The following STK32B variants were observed in gnomAD, a reference collection of about 807,000 sequenced individuals.
STK32B encodes the protein serine/threonine-protein kinase 32B.
Under a neutral mutation model 52.6 loss-of-function variants are expected in STK32B, and 43 were observed. That is an observed-to-expected ratio of 0.82 (90% CI 0.64 to 1.05). STK32B has a LOEUF of 1.05. Among genes scored for constraint, STK32B ranks in the 50% least tolerant of loss-of-function variants. The pLI is 0.00. For synonymous variants in STK32B, 238 were observed against 204.3 expected (o/e 1.17, Z -1.41); for missense variants, 621 against 534.6 (o/e 1.16, Z -1.59).
intron 7 of STK32B, among the ~76,000 whole-genome samples, chr4:5,455,963 C>A (rs1438176642): frequency 1.3e-5 from 2 of 152,014 alleles, no homozygotes; most frequent in African/African-American, 4.8e-5. Flanking sequence ...TTTGTCATCC[C>A]AAGACATGTG....
At chr4:5,493,190 C>T (rs1489380181) in intron 11 of STK32B, among the ~76,000 whole-genome samples, 1 of 152,072 alleles carries the variant, frequency 6.6e-6, no homozygotes, top group Non-Finnish European at 1.5e-5. Flanking sequence ...TAGAATTCGG[C>T]TGTGAATCCA....
chr4:5,038,481 C>G, the STK32B span, among the ~76,000 whole-genome samples: 2 of 152,224 alleles, frequency 1.3e-5, no homozygotes, highest in Non-Finnish European at 2.9e-5. Context: ...GGTGGTGAAG[C>G]CTACTATATG....
chr4:5,155,973 A>G (rs1252987741), intron 2 of STK32B, among the ~76,000 whole-genome samples: 2 of 152,134 alleles, frequency 1.3e-5, no homozygotes, highest in African/African-American at 2.4e-5. Flanking sequence ...ATGCATATAC[A>G]TATATACCTC....
chr4:5,359,980 T>C (rs1734440883), intron 4 of STK32B, among the ~76,000 whole-genome samples: 1 of 152,210 alleles, frequency 6.6e-6, no homozygotes, highest in Non-Finnish European at 1.5e-5. Context: ...AGGAGCACAC[T>C]GGCTGCTTTT....
chr4:5,019,387 G>A, the STK32B span: 1 of 1,497,044 alleles, frequency 6.7e-7, no homozygotes, highest in Non-Finnish European at 8.8e-7. Context: ...AGTGGGCCGC[G>A]CGGCGGGGGC....
chr4:5,499,180 A>T lies in STK32B; in HGVS notation c.*97A>T, dbSNP rs75777002. ...CCTGATGGTCCCTGTCTCACCCCTG[A>T]AAACATCAGATGCAGAAAAAGCCCT... On this transcript the variant is annotated 3_prime_UTR_variant, in exon 12 of 12. Coordinates refer to ENST00000282908, the MANE Select transcript of STK32B (RefSeq NM_018401.3). The T allele has an allele frequency of 0.05, 71,375 of 1,421,038 alleles. 5,833 individuals carry two copies. The highest frequency in any genetic ancestry group is 0.46 in the East Asian group (17,474 of 37,872). The allele number at this position is 1,421,038 out of a possible 1,614,324, so 88.0% of individuals were successfully genotyped here. A position where few individuals can be genotyped will look rare whatever the true frequency, so the allele number is the denominator to read the frequency against.
intron 1 of STK32B, among the ~76,000 whole-genome samples, chr4:5,102,129 C>G (rs1344957615): frequency 6.6e-6 from 1 of 152,200 alleles, no homozygotes; most frequent in African/African-American, 2.4e-5. Flanking sequence ...CCTGGTAGAA[C>G]CCCCTCATAG....
intron 4 of STK32B, among the ~76,000 whole-genome samples, chr4:5,361,432 C>T (rs919201187): frequency 2.0e-5 from 3 of 152,104 alleles, no homozygotes; most frequent in Non-Finnish European, 2.9e-5. Context: ...AGTGCAGTGG[C>T]ATGATCGTGG....
intron 6 of STK32B, among the ~76,000 whole-genome samples, chr4:5,426,181 C>A (rs909621851): frequency 1.3e-5 from 2 of 152,080 alleles, no homozygotes; most frequent in African/African-American, 4.8e-5. Flanking sequence ...ATGGCTGGAC[C>A]TCTTTCCATT....
chr4:5,491,725 G>A (rs1352897490), intron 11 of STK32B, among the ~76,000 whole-genome samples: 2 of 151,972 alleles, frequency 1.3e-5, no homozygotes, highest in East Asian at 3.8e-4. Context: ...TAACATTTAA[G>A]TCTTTAATCC....
intron 2 of STK32B, among the ~76,000 whole-genome samples, chr4:5,161,563 A>G (rs1718447993): frequency 6.6e-6 from 1 of 152,134 alleles, no homozygotes; most frequent in South Asian, 2.1e-4. Flanking sequence ...TCTTTTGTAC[A>G]GAACGCAAGA....
intron 1 of STK32B, among the ~76,000 whole-genome samples, chr4:5,116,495 G>A (rs190939827): frequency 7.9e-4 from 120 of 152,092 alleles, no homozygotes; most frequent in African/African-American, 2.9e-3. Context: ...ACTTATTTTG[G>A]GGGGAGTTAG....
intron 3 of STK32B, among the ~76,000 whole-genome samples, chr4:5,277,549 C>T (rs1727906872): frequency 6.6e-6 from 1 of 152,102 alleles, no homozygotes; most frequent in Non-Finnish European, 1.5e-5. Flanking sequence ...CTCATTGTCT[C>T]CATTTGTAAC....
At chr4:5,171,686 T>C (rs1321649356) in intron 3 of STK32B, among the ~76,000 whole-genome samples, 6 of 144,428 alleles carry the variant, frequency 4.2e-5, no homozygotes, top group African/African-American at 1.5e-4. Flanking sequence ...TTGGTACCAG[T>C]TGCATTCTGT....
intron 6 of STK32B, among the ~76,000 whole-genome samples, chr4:5,429,801 G>T (rs930064806): frequency 2.0e-5 from 3 of 152,062 alleles, no homozygotes; most frequent in Admixed American, 1.3e-4. Flanking sequence ...ATAAGGAAAA[G>T]AATCTTTATT....
At chr4:5,389,566 C>A (rs1192279377) in intron 4 of STK32B, among the ~76,000 whole-genome samples, 1 of 152,186 alleles carries the variant, frequency 6.6e-6, no homozygotes, top group Admixed American at 6.5e-5. Flanking sequence ...TGAGTCTACT[C>A]TAATGTCCCT....
At position 5,382,791 on chromosome 4, in the gene STK32B, A is replaced by T. The variant is rs750088273; in HGVS notation, c.435-15416A>T. On this transcript the variant is annotated intron_variant, in intron 4 of 11. Transcript: ENST00000282908. ...CTGGACTCATTCTTTTTTATGCAAC[A>T]TTGCATTTAATTCTCACAACAGCCG... Among the ~76,000 whole-genome samples, 49 of 152,220 alleles carry T rather than the reference A, an allele frequency of 3.2e-4. 1 individual carries two copies. Among genetic ancestry groups the T allele is most frequent in the Non-Finnish European group, 6.2e-4 (42 of 67,996 alleles).
intron 1 of STK32B, among the ~76,000 whole-genome samples, chr4:5,110,410 T>G (rs1186247510): frequency 6.6e-6 from 1 of 151,926 alleles, no homozygotes; most frequent in Admixed American, 6.6e-5. Flanking sequence ...GGCACAAAGA[T>G]AGACACATGT....
chr4:5,299,356 C>T (rs1412292591), intron 3 of STK32B, among the ~76,000 whole-genome samples: 3 of 152,074 alleles, frequency 2.0e-5, no homozygotes, highest in Admixed American at 2.0e-4. Flanking sequence ...GGGCCCAGGG[C>T]CAGTCCCCAG....
Sources: allele counts gnomAD v4.1 joint callset (sites outside exome capture counted in the v4.1 genomes callset), GRCh38; gene constraint gnomAD v4.1.1; transcripts MANE v1.5; gene names NCBI Gene and HGNC (gene_info 2026-07-23, HGNC 2026-07-21).